Variants in SLC22A3 observed in about 807,000 individuals in gnomAD.
The protein encoded by SLC22A3 is solute carrier family 22 member 3, also known as EMT organic cation transporter 3.
In SLC22A3, 51 loss-of-function variants were observed where a neutral mutation model predicts 59.1. That is an observed-to-expected ratio of 0.86 (90% CI 0.69 to 1.09). The LOEUF (loss-of-function observed/expected upper bound fraction) is 1.09. Ranked by LOEUF, SLC22A3 falls within the 50% of genes least tolerant of loss-of-function variation. The pLI is 0.00. For missense variants in SLC22A3, 711 were observed against 726.3 expected, an observed-to-expected ratio of 0.98 and a Z score of 0.24; for synonymous variants, 325 against 292.0, an observed-to-expected ratio of 1.11 and a Z score of -1.15.
chr6:160,392,891 T>C (rs1786318504), intron 1 of SLC22A3, among the ~76,000 whole-genome samples: 1 of 151,284 alleles, frequency 6.6e-6, no homozygotes, highest in Non-Finnish European at 1.5e-5. Flanking sequence ...GTATCAGTGA[T>C]TATTATTATT....
At chr6:160,422,469 C>CT (rs1297207803) in intron 5 of SLC22A3, among the ~76,000 whole-genome samples, 1 of 152,182 alleles carries the variant, frequency 6.6e-6, no homozygotes, top group Admixed American at 6.5e-5. Flanking sequence ...CATAGCAACA[C>CT]TTCTTCATGT....
intron 5 of SLC22A3, among the ~76,000 whole-genome samples, chr6:160,417,449 G>A (rs369125877): frequency 2.6e-5 from 4 of 152,278 alleles, no homozygotes; most frequent in East Asian, 3.9e-4. Context: ...AGAGATTTGG[G>A]GGTATCTGTT....
intron 5 of SLC22A3, among the ~76,000 whole-genome samples, chr6:160,419,340 T>C (rs1399449633): frequency 2.0e-5 from 3 of 152,194 alleles, no homozygotes; most frequent in Non-Finnish European, 4.4e-5. Context: ...TTTATAAACA[T>C]AATTTTTCTT....
Position 160,348,779 on chromosome 6 carries a change from C to T in SLC22A3, c.360C>T (p.Arg120=), listed in dbSNP as rs668871. ...CADPLAAFPN[R]SAPLVPCRGG... ...ACCCACTCGCCGCCTTCCCCAACCG[C>T]TCGGCTCCCCTTGTGCCGTGCCGCG... is the stretch of plus-strand genomic sequence containing the variant. Residue 120 remains arginine, a synonymous_variant, in exon 1 of 11, where the codon CGC becomes CGT. Transcript: ENST00000275300. 729,036 of 1,556,644 alleles carry T rather than the reference C, an allele frequency of 0.47. 172,921 individuals are homozygous for T. The highest frequency in any genetic ancestry group is 0.58 in the African/African-American group (42,801 of 73,980).
intron 1 of SLC22A3, among the ~76,000 whole-genome samples, chr6:160,365,433 A>G (rs1785171936): frequency 6.6e-6 from 1 of 152,222 alleles, no homozygotes; most frequent in Non-Finnish European, 1.5e-5. Context: ...TTGTGGAACC[A>G]GACTGCTGGG....
At chr6:160,413,400 C>A (rs555016865) in intron 5 of SLC22A3, among the ~76,000 whole-genome samples, 5 of 152,310 alleles carry the variant, frequency 3.3e-5, no homozygotes, top group African/African-American at 1.2e-4. Context: ...CAAACATACT[C>A]AAAAATACAA....
intron 5 of SLC22A3, among the ~76,000 whole-genome samples, chr6:160,434,722 G>T (rs1480725504): frequency 6.6e-6 from 1 of 152,146 alleles, no homozygotes; most frequent in Admixed American, 6.5e-5. Context: ...GAGCAGCAAA[G>T]GTTAAGGTAG....
At chr6:160,373,092 T>C (rs1785458722) in intron 1 of SLC22A3, among the ~76,000 whole-genome samples, 1 of 152,212 alleles carries the variant, frequency 6.6e-6, no homozygotes, top group Non-Finnish European at 1.5e-5. Flanking sequence ...TGTCCTGGCT[T>C]TTGGAATTTT....
intron 5 of SLC22A3, among the ~76,000 whole-genome samples, chr6:160,418,426 C>CCTGG (rs1787596240): frequency 6.6e-6 from 1 of 152,196 alleles, no homozygotes. Flanking sequence ...CTGAGCCACT[C>CCTGG]CTGGCTTCCT....
intron 5 of SLC22A3, among the ~76,000 whole-genome samples, chr6:160,425,306 C>T (rs545190825): frequency 6.6e-6 from 1 of 152,126 alleles, no homozygotes; most frequent in Admixed American, 6.5e-5. Context: ...ATGAAGTTGT[C>T]CCAGAAACGA....
At chr6:160,413,072 G>A (rs949618893) in intron 5 of SLC22A3, among the ~76,000 whole-genome samples, 1 of 152,080 alleles carries the variant, frequency 6.6e-6, no homozygotes, top group African/African-American at 2.4e-5. Flanking sequence ...AATCTAGAAA[G>A]GAATATAGAA....
intron 5 of SLC22A3, 68 bp from the exon 6 acceptor site, chr6:160,436,712 C>G: frequency 2.1e-6 from 2 of 970,844 alleles, no homozygotes; most frequent in Non-Finnish European, 3.2e-6. Context: ...TGGTTAATGA[C>G]AAGTCTATAC....
chr6:160,385,997 T>A (rs2114805637), intron 1 of SLC22A3, among the ~76,000 whole-genome samples: 1 of 152,294 alleles, frequency 6.6e-6, no homozygotes, highest in African/African-American at 2.4e-5. Flanking sequence ...ATTTTGTTAT[T>A]GTGCATAGCA....
intron 7 of SLC22A3, among the ~76,000 whole-genome samples, chr6:160,441,325 A>T (rs980516058): frequency 6.6e-6 from 1 of 152,158 alleles, no homozygotes. Context: ...TTCATAAAGA[A>T]GCAAAGCCTA....
chr6:160,437,147 C>G lies in SLC22A3; in HGVS notation c.1224C>G (p.Leu408=). The change falls in exon 7 of 11, where the codon CTC becomes CTG. Residue 408 remains leucine, a synonymous_variant. Coordinates refer to ENST00000275300, the MANE Select transcript of SLC22A3 (RefSeq NM_021977.4). Reference sequence around the variant, plus strand: ...CCATTGAGCGCCTTGGACGACGCCTCCCCTTTGCGGCAAGCAATATAGTGG... The same window carrying G: ...CCATTGAGCGCCTTGGACGACGCCTGCCCTTTGCGGCAAGCAATATAGTGG... ...LLTIERLGRR[L]PFAASNIVAG... The G allele has an allele frequency of 6.2e-7, 1 of 1,614,164 alleles. No individual in the cohort carries two copies.
intron 5 of SLC22A3, among the ~76,000 whole-genome samples, chr6:160,420,066 C>T (rs983907647): frequency 2.0e-5 from 3 of 152,136 alleles, no homozygotes; most frequent in African/African-American, 7.2e-5. Flanking sequence ...CATGTCAAGA[C>T]CCCCAACTTC....
At chr6:160,356,349 C>A (rs1784840599) in intron 1 of SLC22A3, among the ~76,000 whole-genome samples, 1 of 152,190 alleles carries the variant, frequency 6.6e-6, no homozygotes, top group East Asian at 1.9e-4. Flanking sequence ...TCTGTGTCCG[C>A]AGAATCCTAA....
intron 5 of SLC22A3, 93 bp from the exon 6 acceptor site, chr6:160,436,687 A>G (rs933330404): frequency 7.6e-6 from 6 of 790,418 alleles, no homozygotes; most frequent in Non-Finnish European, 1.3e-5. Flanking sequence ...TCACTTCAGT[A>G]AGATCATTTG....
At chr6:160,416,677 T>G (rs1300345807) in intron 5 of SLC22A3, among the ~76,000 whole-genome samples, 1 of 152,178 alleles carries the variant, frequency 6.6e-6, no homozygotes, top group Non-Finnish European at 1.5e-5. Context: ...AAATGTGAAA[T>G]TTTTCTTTGG....
Sources: gnomAD v4.1 joint callset for allele counts (sites outside exome capture counted in the v4.1 genomes callset) on GRCh38, gnomAD v4.1.1 for gene constraint, MANE v1.5 for transcripts, NCBI Gene and HGNC (gene_info 2026-07-23, HGNC 2026-07-21) for gene names.